HUWE1: variants seen among roughly 807,000 people sequenced by gnomAD.
HUWE1 encodes the protein HECT, UBA and WWE domain containing E3 ubiquitin protein ligase 1, also known as E3 ubiquitin-protein ligase HUWE1.
In HUWE1, 18 loss-of-function variants were observed where a neutral mutation model predicts 299.4. The ratio of observed to expected loss-of-function variants is 0.06; its 90% CI spans 0.04 to 0.09. The LOEUF is 0.09. Among genes scored for constraint, HUWE1 ranks in the 10% least tolerant of loss-of-function variants. The pLI, the probability that HUWE1 is intolerant of heterozygous loss-of-function variation, is 1.00. For missense variants in HUWE1, 1,832 were observed against 3,462.3 expected, an observed-to-expected ratio of 0.53 and a Z score of 11.82; for synonymous variants, 1,317 against 1,286.1, an observed-to-expected ratio of 1.02 and a Z score of -0.51.
At chrX:53,656,529 G>A (rs1436956790) in intron 3 of HUWE1, among the ~76,000 whole-genome samples, 3 of 78,282 alleles carry the variant, frequency 3.8e-5, no homozygotes, top group South Asian at 8.2e-4. Flanking sequence ...GTGACAGAGC[G>A]AGACTCCAGT....
In HUWE1 at chrX:53,533,211, T is replaced by C. The variant is rs981161830; in HGVS notation, c.*98A>G. The C allele has an allele frequency of 2.0e-5, 11 of 553,650 alleles. No homozygotes were observed. In the African/African-American group the frequency reaches 2.3e-4, roughly 12 times the overall value. The allele number at this position is 553,650 out of a possible 1,213,427, so 45.6% of individuals were successfully genotyped here. ...ACGGTGAGTTGGTGGATTTCATTTATTGGTTTTTGACAATTTCTTTCTGGT... is the reference window on the plus strand; with the variant it reads ...ACGGTGAGTTGGTGGATTTCATTTACTGGTTTTTGACAATTTCTTTCTGGT... On this transcript the variant is annotated 3_prime_UTR_variant, in exon 84 of 84. Transcript: ENST00000262854.
intron 4 of HUWE1, among the ~76,000 whole-genome samples, chrX:53,652,810 T>C (rs1333101681): frequency 8.9e-6 from 1 of 112,480 alleles, no homozygotes; most frequent in East Asian, 2.8e-4. Flanking sequence ...CTTATGAAAT[T>C]AACAAAAATT....
chrX:53,593,379 A>G lies in HUWE1; in HGVS notation c.3726T>C (p.Leu1242=). 8.4e-7 allele frequency: 1 copy of G among 1,191,638 alleles called. No individual in the cohort carries two copies. Among genetic ancestry groups the G allele is most frequent in the African/African-American group, 1.7e-5 (1 of 57,423 alleles). ...NFPQFSALRF[L]VVTQKAAFTC... is the part of the protein sequence containing the mutation. ...GAATACTCACTTTCTGAGTTACCAC[A>G]AGGAAGCGCAGTGCACTGAACTGGG... Residue 1242 remains leucine, a synonymous_variant, in exon 32 of 84, where the codon CTT becomes CTC. Transcript: ENST00000262854.
At chrX:53,557,786 AGTCTT>A (rs2062096470) in intron 59 of HUWE1, among the ~76,000 whole-genome samples, 1 of 111,708 alleles carries the variant, frequency 9.0e-6, no homozygotes, top group Non-Finnish European at 1.9e-5. Flanking sequence ...TGTCCACTCT[AGTCTT>A]TTCAGTCACA....
intron 3 of HUWE1, among the ~76,000 whole-genome samples, chrX:53,675,381 CAT>C (rs781832011): frequency 8.9e-6 from 1 of 111,859 alleles, no homozygotes; most frequent in East Asian, 2.8e-4. Context: ...GGCTTTCTCA[CAT>C]ATCAGCAGTC....
chrX:53,635,124 G>T (rs967138330), intron 7 of HUWE1, among the ~76,000 whole-genome samples: 2 of 110,364 alleles, frequency 1.8e-5, no homozygotes, highest in Non-Finnish European at 3.8e-5. Flanking sequence ...CGAAGTGAAA[G>T]AAATGAGATA....
At chrX:53,572,243 C>T (rs781858985) in intron 47 of HUWE1, among the ~76,000 whole-genome samples, 4 of 111,119 alleles carry the variant, frequency 3.6e-5, no homozygotes, top group Non-Finnish European at 7.5e-5. Context: ...AACCAAATTA[C>T]GGCACGAGAA....
chrX:53,602,788 G>C (rs1304137932), intron 27 of HUWE1, 130 bp from the exon 28 acceptor site: 3 of 379,670 alleles, frequency 7.9e-6, no homozygotes, highest in Non-Finnish European at 9.2e-6. Context: ...AGGTTAAACT[G>C]AATGTAATAA....
intron 28 of HUWE1, 86 bp downstream of exon 28, chrX:53,602,474 GAACT>G: frequency 7.2e-6 from 4 of 557,150 alleles, no homozygotes; most frequent in Middle Eastern, 3.2e-4. Flanking sequence ...ATGGATGATA[GAACT>G]AACTAAAAAT....
At chrX:53,601,665 A>AT (rs34074990) in intron 28 of HUWE1, among the ~76,000 whole-genome samples, 36,417 of 93,676 alleles carry the variant, frequency 0.39, 7,418 homozygotes, top group Non-Finnish European at 0.53. Flanking sequence ...GAAATTTGGA[A>AT]TTTTTTTTTT....
intron 80 of HUWE1, 32 bp downstream of exon 80, chrX:53,536,115 G>T (rs1309887190): frequency 3.2e-6 from 3 of 936,464 alleles, no homozygotes; most frequent in Non-Finnish European, 4.6e-6. Context: ...AGATTGGCTG[G>T]GATGTGCTGT....
chrX:53,578,980 G>A (rs1602802453), intron 43 of HUWE1, among the ~76,000 whole-genome samples: 3 of 69,878 alleles, frequency 4.3e-5, no homozygotes, highest in Admixed American at 1.3e-4. Context: ...CCCCTACTGG[G>A]AAGTGAGGAG....
intron 34 of HUWE1, 36 bp downstream of exon 34, chrX:53,590,964 A>G (rs2064127628): frequency 8.3e-7 from 1 of 1,208,906 alleles, no homozygotes; most frequent in Non-Finnish European, 1.1e-6. Context: ...AGTCAAACCA[A>G]TATCCTGGAA....
intron 49 of HUWE1, among the ~76,000 whole-genome samples, chrX:53,567,444 A>G (rs1253163681): frequency 1.8e-5 from 2 of 112,136 alleles, no homozygotes; most frequent in Admixed American, 9.5e-5. Flanking sequence ...TTTCAAAACA[A>G]AACAAACATG....
rs371740179 is a variant in HUWE1 at position 53,532,569 on chromosome X, A to C, written c.*740T>G. ...GCAGCTCCCATTCTAAAAAAAAAAA[A>C]CAGATGCCCCCACCCCCAATTCCTG... On this transcript the variant is annotated 3_prime_UTR_variant, in exon 84 of 84. Coordinates refer to ENST00000262854, the MANE Select transcript of HUWE1 (RefSeq NM_031407.7). 9.3e-6 allele frequency: 1 copy of C among 108,050 alleles called. No individual in the cohort carries two copies. The highest frequency in any genetic ancestry group is 3.4e-5 in the African/African-American group (1 of 29,720). 8.9% of individuals were successfully genotyped at this position (108,050 alleles called of 1,213,427 possible).
intron 15 of HUWE1, 107 bp from the exon 16 acceptor site, chrX:53,627,986 A>C: frequency 1.5e-6 from 1 of 674,987 alleles, no homozygotes; most frequent in East Asian, 3.5e-5. Flanking sequence ...AAGGCAGCAC[A>C]GTATGGGGGA....
In HUWE1 at chrX:53,580,855, G is replaced by A; in HGVS notation, c.5692C>T (p.Pro1898Ser). Reference protein sequence around the residue: ...VANCCIRIALPAPRGSGTASD... With the variant: ...VANCCIRIALSAPRGSGTASD... ...CCAGTTCCTGAGCCTCGAGGGGCAG[G>A]AAGGGCGATGCGGATACAGCAGTTG... The change falls in exon 43 of 84, where the codon CCT (proline) becomes TCT (serine). Residue 1898 changes from proline to serine, a missense_variant. Pro to Ser is a moderately conservative substitution (Grantham distance 74). This residue lies in a region of HUWE1 where 47 missense variants were observed against 45.8 expected (regional missense o/e 1.03). Transcript: ENST00000262854. The A allele has an allele frequency of 8.3e-7, 1 of 1,211,427 alleles. No individual in the cohort carries two copies.
chrX:53,554,995 A>G lies in HUWE1; in HGVS notation c.8207-75T>C. On this transcript the variant is annotated intron_variant, in intron 60 of 83. Coordinates refer to ENST00000262854, the MANE Select transcript of HUWE1 (RefSeq NM_031407.7). ...TGAGGGGAGCCACCCCAATCAGCAAATGTGGCCTGATAAGTATCCCACCCA... is the reference window on the plus strand; with the variant it reads ...TGAGGGGAGCCACCCCAATCAGCAAGTGTGGCCTGATAAGTATCCCACCCA... The G allele has an allele frequency of 3.7e-6, 3 of 803,464 alleles. No individual in the cohort carries two copies. In the South Asian group the frequency reaches 8.9e-5, roughly 24 times the overall value. 66.2% of individuals were successfully genotyped at this position (803,464 alleles called of 1,213,427 possible).
chrX:53,537,583 T>C lies in HUWE1; in HGVS notation c.12110A>G (p.Lys4037Arg). ...TCGATTCTTCATTTCTTCGGGGGAT[T>C]TGCGATGCAGCTCACGATAGGAGTC... is the stretch of plus-strand genomic sequence containing the variant. ...FEDSYRELHR[K>R]SPEEMKNRLY... is the part of the protein sequence containing the mutation. The change falls in exon 78 of 84, where the codon AAA becomes AGA. Residue 4037 changes from lysine to arginine, a missense_variant. Physicochemically the swap from Lys to Arg is conservative, Grantham distance 26. Around this residue, in one of 15 missense-constraint regions of HUWE1, gnomAD observed 129 missense variants for 439.4 expected, o/e 0.29. Transcript: ENST00000262854. 1 of 1,210,946 alleles carries C rather than the reference T, an allele frequency of 8.3e-7. No individual in the cohort carries two copies. The highest frequency in any genetic ancestry group is 1.8e-5 in the South Asian group (1 of 56,824).
Sources: allele counts gnomAD v4.1 joint callset (sites outside exome capture counted in the v4.1 genomes callset), GRCh38; gene constraint gnomAD v4.1.1; regional missense constraint gnomAD v4.1.1; transcripts MANE v1.5; gene names NCBI Gene and HGNC (gene_info 2026-07-23, HGNC 2026-07-21).